The following PSD3 variants were observed in gnomAD, a reference collection of about 807,000 sequenced individuals.
PSD3 encodes PH and SEC7 domain-containing protein 3.
PSD3 carries 49 observed loss-of-function variants against 105.5 expected under a neutral mutation model. The ratio of observed to expected loss-of-function variants is 0.46; its 90% CI spans 0.37 to 0.59. PSD3 has a LOEUF of 0.59. Among genes scored for constraint, PSD3 ranks in the 20% least tolerant of loss-of-function variants. PSD3 has a pLI of 0.00. For missense variants in PSD3, 1,561 were observed against 1,263.8 expected, an observed-to-expected ratio of 1.24 and a Z score of -3.57; for synonymous variants, 557 against 457.8, an observed-to-expected ratio of 1.22 and a Z score of -2.77.
intron 1 of PSD3, among the ~76,000 whole-genome samples, chr8:19,047,846 C>CA (rs1009347762): frequency 2.0e-5 from 3 of 152,146 alleles, no homozygotes; most frequent in African/African-American, 7.2e-5. Flanking sequence ...GAGCCTGTTG[C>CA]AGTGGCCAGG....
intron 15 of PSD3, 101 bp downstream of exon 15, chr8:18,556,108 C>T (rs1368466314): frequency 1.4e-6 from 2 of 1,381,180 alleles, no homozygotes; most frequent in African/African-American, 1.5e-5. Context: ...AGGGGCAAGA[C>T]ACGCCTCTCT....
In PSD3 at chr8:18,531,385, A is replaced by C. The variant is rs1269453931; in HGVS notation, c.*4358T>G. 2 of 152,730 alleles carry C rather than the reference A, an allele frequency of 1.3e-5. No individual in the cohort carries two copies. Among genetic ancestry groups the C allele is most frequent in the East Asian group, 3.9e-4 (2 of 5,194 alleles). 9.5% of individuals were successfully genotyped at this position (152,730 alleles called of 1,614,324 possible). A position where few individuals can be genotyped will look rare whatever the true frequency, so the allele number is the denominator to read the frequency against. Reference sequence around the variant, plus strand: ...CGTGGGTTCTGGATACTGTAGGTACAAAAGGAGAATGCCTTTGGATTTCAG... The same window carrying C: ...CGTGGGTTCTGGATACTGTAGGTACCAAAGGAGAATGCCTTTGGATTTCAG... On this transcript the variant is annotated 3_prime_UTR_variant, in exon 16 of 16. Coordinates refer to ENST00000327040, the MANE Select transcript of PSD3 (RefSeq NM_015310.4).
intron 4 of PSD3, among the ~76,000 whole-genome samples, chr8:18,818,196 C>A (rs145277874): frequency 0.041 from 6,249 of 152,228 alleles, 143 homozygotes; most frequent in Admixed American, 0.068. Context: ...CTCTGGTGAT[C>A]CATCCGCCTC....
At chr8:18,784,354 C>A (rs1223279688) in intron 8 of PSD3, among the ~76,000 whole-genome samples, 2 of 152,206 alleles carry the variant, frequency 1.3e-5, no homozygotes, top group East Asian at 3.9e-4. Flanking sequence ...TCCCTACACT[C>A]ATACACCACT....
At chr8:18,799,094 C>T (rs925968994) in intron 8 of PSD3, 30 of 527,454 alleles carry the variant, frequency 5.7e-5, no homozygotes, top group African/African-American at 7.7e-5. Flanking sequence ...GACACCAGGA[C>T]GATGGATTTA....
chr8:19,010,536 T>C (rs1826904650), intron 1 of PSD3, among the ~76,000 whole-genome samples: 1 of 152,212 alleles, frequency 6.6e-6, no homozygotes, highest in South Asian at 2.1e-4. Context: ...ATGCTGCAAA[T>C]TATCCTTTTT....
In PSD3 at chr8:18,616,650, G is replaced by A. The variant is rs367712702; in HGVS notation, c.2410+15963C>T. Among the ~76,000 whole-genome samples the A allele has an allele frequency of 8.2e-4, 73 of 88,566 alleles. 1 individual carries two copies. The highest frequency in any genetic ancestry group is 2.8e-3 in the African/African-American group (68 of 24,346). 58.1% of individuals were successfully genotyped at this position (88,566 alleles called of 152,430 possible). ...TTTCTTTTTTTTTTTTTGAGACGGA[G>A]TCTCGCTCTGTCGCCCAGGCTGGAG... On this transcript the variant is annotated intron_variant, in intron 11 of 15. Coordinates refer to ENST00000327040, the MANE Select transcript of PSD3 (RefSeq NM_015310.4).
chr8:19,015,070 T>C (rs1242194624), upstream of PSD3, among the ~76,000 whole-genome samples: 1 of 152,174 alleles, frequency 6.6e-6, no homozygotes, highest in African/African-American at 2.4e-5. Context: ...TCATCTTGAA[T>C]TGTAAGTCCC....
chr8:18,540,273 A>T (rs569933586), intron 15 of PSD3, among the ~76,000 whole-genome samples: 37 of 152,350 alleles, frequency 2.4e-4, no homozygotes, highest in African/African-American at 6.7e-4. Context: ...CACTTAACGG[A>T]TGACTGTATG....
At chr8:18,948,297 A>C (rs1822991304) in intron 1 of PSD3, among the ~76,000 whole-genome samples, 1 of 152,192 alleles carries the variant, frequency 6.6e-6, no homozygotes, top group African/African-American at 2.4e-5. Context: ...AACACATCTT[A>C]CTGGCTACAG....
rs555952418 is a variant in PSD3, at chr8:18,554,241, G to C, written c.2928+1968C>G. On this transcript the variant is annotated intron_variant, in intron 15 of 15. Transcript: ENST00000327040. ...ACTGAGGTGCTGGGAAATTTAATTA[G>C]CTTGTGTGAAACAAAACAGGCCTAT... is the stretch of plus-strand genomic sequence containing the variant. 9.9e-5 allele frequency among the ~76,000 whole-genome samples: 15 copies of C among 152,264 alleles called. 1 individual carries two copies. Among genetic ancestry groups the C allele is most frequent in the Middle Eastern group, 3.4e-3 (1 of 294 alleles).
intron 1 of PSD3, among the ~76,000 whole-genome samples, chr8:18,994,371 A>G (rs564976003): frequency 6.6e-6 from 1 of 152,194 alleles, no homozygotes; most frequent in African/African-American, 2.4e-5. Flanking sequence ...AAAAAAATCC[A>G]TCTTTATTTT....
chr8:19,048,671 A>T (rs1173136951), intron 1 of PSD3, among the ~76,000 whole-genome samples: 1 of 152,228 alleles, frequency 6.6e-6, no homozygotes, highest in Admixed American at 6.5e-5. Context: ...TGAAGCAGTA[A>T]TCAGCCTCAT....
chr8:18,949,217 G>A (rs1183840417), intron 1 of PSD3, among the ~76,000 whole-genome samples: 2 of 19,942 alleles, frequency 1.0e-4, no homozygotes, highest in South Asian at 2.3e-3. Flanking sequence ...TCGAGACTCT[G>A]TCTCAAAAAA....
intron 11 of PSD3, among the ~76,000 whole-genome samples, chr8:18,613,890 T>G (rs1159386533): frequency 6.6e-6 from 1 of 152,156 alleles, no homozygotes; most frequent in African/African-American, 2.4e-5. Flanking sequence ...ACAGCAACAA[T>G]AAATGAACTA....
At chr8:18,633,086 C>A (rs563641285) in intron 10 of PSD3, among the ~76,000 whole-genome samples, 2 of 152,066 alleles carry the variant, frequency 1.3e-5, no homozygotes, top group South Asian at 4.1e-4. Context: ...TAGTGATGAA[C>A]AGATAATGAA....
chr8:18,556,068 G>T, intron 15 of PSD3, 141 bp downstream of exon 15: 1 of 929,810 alleles, frequency 1.1e-6, no homozygotes, highest in South Asian at 1.9e-5. Flanking sequence ...GGGCCACCAT[G>T]ACCTTGCCAG....
At chr8:18,789,613 T>G (rs1809506354) in intron 8 of PSD3, among the ~76,000 whole-genome samples, 1 of 152,142 alleles carries the variant, frequency 6.6e-6, no homozygotes, top group African/African-American at 2.4e-5. Flanking sequence ...ATATCAGACT[T>G]CTATTGATAT....
intron 10 of PSD3, among the ~76,000 whole-genome samples, chr8:18,650,159 C>A (rs370541150): frequency 6.6e-6 from 1 of 152,192 alleles, no homozygotes; most frequent in Non-Finnish European, 1.5e-5. Context: ...CAATACTGAA[C>A]TTATTTTATT....
Sources: gnomAD v4.1 joint callset for allele counts (sites outside exome capture counted in the v4.1 genomes callset) on GRCh38, gnomAD v4.1.1 for gene constraint, MANE v1.5 for transcripts, NCBI Gene and HGNC (gene_info 2026-07-23, HGNC 2026-07-21) for gene names.